Variants in SOCS1 observed in about 807,000 individuals in gnomAD.
SOCS1 encodes JAK binding protein.
Under a neutral mutation model 9.7 loss-of-function variants are expected in SOCS1, and 3 were observed. The observed-to-expected ratio is 0.31, with a 90% CI of 0.14 to 0.80. SOCS1 has a LOEUF of 0.80. Among genes scored for constraint, SOCS1 ranks in the 30% least tolerant of loss-of-function variants. SOCS1 has a pLI of 0.61. For missense variants in SOCS1, 368 were observed against 324.7 expected, an observed-to-expected ratio of 1.13 and a Z score of -1.02; for synonymous variants, 194 against 150.2, an observed-to-expected ratio of 1.29 and a Z score of -2.13.
chr16:11,255,351 G>A lies in SOCS1; in HGVS notation c.128C>T (p.Pro43Leu), dbSNP rs1369823773. The A allele has an allele frequency of 1.5e-6, 2 of 1,360,526 alleles. No homozygotes were observed. Among genetic ancestry groups the A allele is most frequent in the South Asian group, 1.9e-5 (1 of 53,052 alleles). 84.3% of individuals were successfully genotyped at this position (1,360,526 alleles called of 1,614,324 possible). A position where few individuals can be genotyped will look rare whatever the true frequency, so the allele number is the denominator to read the frequency against. ...GCCGGGGGCCGGGGCCGGGACCGCG[G>A]GGCACGGCCGCGGGCGCGCGGGGGC... The part of the protein sequence containing the change: ...PAAPARPRPC[P>L]AVPAPAPGDT... Residue 43 changes from proline (P) to leucine (L), a missense_variant, in exon 2 of 2, where the codon CCC becomes CTC. Coordinates refer to ENST00000332029, the MANE Select transcript of SOCS1 (RefSeq NM_003745.2).
At chr16:11,255,672 A>G (rs927073589) in intron 1 of SOCS1, 144 bp from the exon 2 acceptor site, 2 of 385,248 alleles carry the variant, frequency 5.2e-6, no homozygotes, top group Non-Finnish European at 9.2e-6. Context: ...GGATCCGTTC[A>G]GCCTCAGTGG....
In SOCS1 at chr16:11,255,502, G is replaced by A. The variant is rs947615494; in HGVS notation, c.-24C>T. ...ATCCTACAGAAGGGGCCAGCCGGAG[G>A]GGTGGGCCATAGCGTCCGGGGGTGC... On this transcript the variant is annotated 5_prime_UTR_variant, in exon 2 of 2. Transcript: ENST00000332029. 5 of 1,253,848 alleles carry A rather than the reference G, an allele frequency of 4.0e-6. No individual in the cohort carries two copies. The highest frequency in any genetic ancestry group is 2.2e-4 in the Middle Eastern group (1 of 4,450). 77.7% of individuals were successfully genotyped at this position (1,253,848 alleles called of 1,614,324 possible). A position where few individuals can be genotyped will look rare whatever the true frequency, so the allele number is the denominator to read the frequency against.
rs906125295 is a variant in SOCS1, at chr16:11,255,017, G to A, written c.462C>T (p.Tyr154=). 1.9e-6 allele frequency: 3 copies of A among 1,594,688 alleles called. No individual in the cohort carries two copies. The highest frequency in any genetic ancestry group is 1.4e-5 in the African/African-American group (1 of 72,258). ...CCAGCATGCGGCGCGGCGCCGCCAC[G>A]TAGTGCTCCAGCAGCTCGAAGAGGC... ...FDCLFELLEH[Y]VAAPRRMLGA... The change falls in exon 2 of 2, where the codon TAC becomes TAT. Residue 154 remains tyrosine, a synonymous_variant. Transcript: ENST00000332029.
chr16:11,255,739 T>C, intron 1 of SOCS1: 2 of 285,544 alleles, frequency 7.0e-6, no homozygotes, highest in South Asian at 1.6e-4. Flanking sequence ...GGGTGGGGGC[T>C]CGGTGGAGGC....
Position 11,255,537 on chromosome 16 carries a change from G to T in SOCS1, c.-50-9C>A. ...TAGCGTCCGGGGGTGCGCTGCGGGA[G>T]AGACAAAGAGGTGAGCTGGGGCGCT... On this transcript the variant is annotated splice_polypyrimidine_tract_variant and intron_variant, in intron 1 of 1. Transcript: ENST00000332029. 9.1e-7 allele frequency: 1 copy of T among 1,102,198 alleles called. No homozygotes were observed. The highest frequency in any genetic ancestry group is 1.2e-6 in the Non-Finnish European group (1 of 867,162). The allele number at this position is 1,102,198 out of a possible 1,614,324, so 68.3% of individuals were successfully genotyped here.
Position 11,254,691 on chromosome 16 carries a change from C to T in SOCS1, c.*152G>A. 2.6e-6 allele frequency: 3 copies of T among 1,142,086 alleles called. No individual in the cohort carries two copies. The highest frequency in any genetic ancestry group is 3.4e-6 in the Non-Finnish European group (3 of 879,268). The allele number at this position is 1,142,086 out of a possible 1,614,324, so 70.7% of individuals were successfully genotyped here. Reference sequence around the variant, plus strand: ...AGAGGTGAGAAGGGGTCTGCGGCCTCGTCTCCAGCCGAGGGCGGGAGGCGC... The same window carrying T: ...AGAGGTGAGAAGGGGTCTGCGGCCTTGTCTCCAGCCGAGGGCGGGAGGCGC... On this transcript the variant is annotated 3_prime_UTR_variant, in exon 2 of 2. Transcript: ENST00000332029.
Position 11,254,735 on chromosome 16 carries a change from C to T in SOCS1, c.*108G>A. On this transcript the variant is annotated 3_prime_UTR_variant, in exon 2 of 2. Transcript: ENST00000332029. ...GAGGCGCCTCGCCCCTACACCCATC[C>T]GCTCCCTCCAACCCAGGCCGGGGAG... 2.2e-6 allele frequency: 3 copies of T among 1,355,038 alleles called. No individual in the cohort carries two copies. The highest frequency in any genetic ancestry group is 2.9e-6 in the Non-Finnish European group (3 of 1,051,644). 83.9% of individuals were successfully genotyped at this position (1,355,038 alleles called of 1,614,324 possible). A position where few individuals can be genotyped will look rare whatever the true frequency, so the allele number is the denominator to read the frequency against.
At position 11,255,062 on chromosome 16, in the gene SOCS1, G is replaced by A. The variant is rs1348169724; in HGVS notation, c.417C>T (p.Gly139=). ...HFQAGRFHLD[G]SRESFDCLFE... is the part of the protein sequence containing the mutation. ...AGAGGCAGTCGAAGCTCTCGCGGCT[G>A]CCATCCAGGTGAAAGCGGCCGGCCT... Residue 139 remains glycine (G), a synonymous_variant, in exon 2 of 2, where the codon GGC becomes GGT. Coordinates refer to ENST00000332029, the MANE Select transcript of SOCS1 (RefSeq NM_003745.2). 32 of 1,608,596 alleles carry A rather than the reference G, an allele frequency of 2.0e-5. No homozygotes were observed. The highest frequency in any genetic ancestry group is 2.4e-5 in the Non-Finnish European group (28 of 1,178,270).
rs368764480 is a variant in SOCS1, at chr16:11,254,822, G to A, written c.*21C>T. 52 of 1,465,840 alleles carry A rather than the reference G, an allele frequency of 3.5e-5. No individual in the cohort carries two copies. The highest frequency in any genetic ancestry group is 4.4e-5 in the Non-Finnish European group (49 of 1,115,874). 90.8% of individuals were successfully genotyped at this position (1,465,840 alleles called of 1,614,324 possible). A position where few individuals can be genotyped will look rare whatever the true frequency, so the allele number is the denominator to read the frequency against. Reference sequence around the variant, plus strand: ...AACACGGCATCCCAGTTAATGCTGCGTGCACGGCGGGCGCTGCCGGTCAAA... The same window carrying A: ...AACACGGCATCCCAGTTAATGCTGCATGCACGGCGGGCGCTGCCGGTCAAA... On this transcript the variant is annotated 3_prime_UTR_variant, in exon 2 of 2. Transcript: ENST00000332029.
chr16:11,255,618 C>T, intron 1 of SOCS1, 90 bp from the exon 2 acceptor site: 2 of 439,214 alleles, frequency 4.6e-6, no homozygotes, highest in Middle Eastern at 6.1e-4. Context: ...GCGCTCCCGG[C>T]GGACCCGGCC....
At position 11,255,451 on chromosome 16, in the gene SOCS1, C is replaced by A; in HGVS notation, c.28G>T (p.Asp10Tyr). ...TCTGCTGCTGTGGAGACTGCATTGT[C>A]GGCTGCCACCTGGTTGTGTGCTACC... MVAHNQVAA[D>Y]NAVSTAAEPR... Residue 10 changes from aspartate (D) to tyrosine (Y), a missense_variant, in exon 2 of 2, where the codon GAC (aspartate) becomes TAC (tyrosine). By Grantham distance (160) the Asp-to-Tyr change is radical. Coordinates refer to ENST00000332029, the MANE Select transcript of SOCS1 (RefSeq NM_003745.2). 1.5e-6 allele frequency: 2 copies of A among 1,296,968 alleles called. No homozygotes were observed. Among genetic ancestry groups the A allele is most frequent in the Non-Finnish European group, 9.8e-7 (1 of 1,025,510 alleles). 80.3% of individuals were successfully genotyped at this position (1,296,968 alleles called of 1,614,324 possible).
Position 11,255,038 on chromosome 16 carries a change from G to A in SOCS1, c.441C>T (p.Leu147=), listed in dbSNP as rs776124490. The part of the protein sequence containing the change: ...LDGSRESFDC[L]FELLEHYVAA... ...CCACGTAGTGCTCCAGCAGCTCGAA[G>A]AGGCAGTCGAAGCTCTCGCGGCTGC... The change falls in exon 2 of 2, where the codon CTC becomes CTT. Residue 147 remains leucine (L), a synonymous_variant. Coordinates refer to ENST00000332029, the MANE Select transcript of SOCS1 (RefSeq NM_003745.2). 29 of 1,606,196 alleles carry A rather than the reference G, an allele frequency of 1.8e-5. No homozygotes were observed. The highest frequency in any genetic ancestry group is 1.7e-4 in the Middle Eastern group (1 of 6,044).
chr16:11,255,761 TC>T (rs2069593189), intron 1 of SOCS1: 1 of 263,268 alleles, frequency 3.8e-6, no homozygotes, highest in Admixed American at 5.4e-5. Context: ...GAGTCCGGCC[TC>T]CGGGCAGCAC....
intron 1 of SOCS1, chr16:11,255,829 G>C (rs983490314): frequency 1.0e-5 from 2 of 198,286 alleles, no homozygotes; most frequent in East Asian, 9.9e-5. Flanking sequence ...GCCCCGGCTC[G>C]CCGCCCCGCG....
In SOCS1 at chr16:11,255,331, G is replaced by A; in HGVS notation, c.148C>T (p.Pro50Ser). ...RPCPAVPAPA[P>S]GDTHFRTFRS... ...AATGTGCGGAAGTGCGTGTCGCCGGGGGCCGGGGCCGGGACCGCGGGGCAC... is the reference window on the plus strand; with the variant it reads ...AATGTGCGGAAGTGCGTGTCGCCGGAGGCCGGGGCCGGGACCGCGGGGCAC... The change falls in exon 2 of 2, where the codon CCC becomes TCC. Residue 50 changes from proline (P) to serine (S), a missense_variant. Coordinates refer to ENST00000332029, the MANE Select transcript of SOCS1 (RefSeq NM_003745.2). The A allele has an allele frequency of 6.9e-7, 1 of 1,457,550 alleles. No homozygotes were observed. Among genetic ancestry groups the A allele is most frequent in the East Asian group, 3.0e-5 (1 of 33,432 alleles). The allele number at this position is 1,457,550 out of a possible 1,614,324, so 90.3% of individuals were successfully genotyped here.
rs373270218 is a variant in SOCS1, at chr16:11,255,490, G to C, written c.-12C>G. 1.7e-4 allele frequency: 218 copies of C among 1,265,972 alleles called. 3 individuals are homozygous for C. Among genetic ancestry groups the C allele is most frequent in the Non-Finnish European group, 1.4e-4 (138 of 1,008,544 alleles). 78.4% of individuals were successfully genotyped at this position (1,265,972 alleles called of 1,614,324 possible). A position where few individuals can be genotyped will look rare whatever the true frequency, so the allele number is the denominator to read the frequency against. ...TTGTGTGCTACCATCCTACAGAAGGGGCCAGCCGGAGGGGTGGGCCATAGC... is the reference window on the plus strand; with the variant it reads ...TTGTGTGCTACCATCCTACAGAAGGCGCCAGCCGGAGGGGTGGGCCATAGC... On this transcript the variant is annotated 5_prime_UTR_variant, in exon 2 of 2. Coordinates refer to ENST00000332029, the MANE Select transcript of SOCS1 (RefSeq NM_003745.2).
intron 1 of SOCS1, chr16:11,255,733 G>A (rs758497064): frequency 6.0e-6 from 2 of 333,134 alleles, no homozygotes; most frequent in Non-Finnish European, 1.1e-5. Flanking sequence ...CCCGGCGGGT[G>A]GGGGCTCGGT....
In SOCS1 at chr16:11,255,657, C is replaced by G. The variant is rs34879384; in HGVS notation, c.-50-129G>C. Reference sequence around the variant, plus strand: ...GGGGGCGAGCACGGAGCACCAAGTCCGCGCGGATCCGTTCAGCCTCAGTGG... The same window carrying G: ...GGGGGCGAGCACGGAGCACCAAGTCGGCGCGGATCCGTTCAGCCTCAGTGG... On this transcript the variant is annotated intron_variant, in intron 1 of 1. Transcript: ENST00000332029. 2,192 of 392,276 alleles carry G rather than the reference C, an allele frequency of 5.6e-3. 49 individuals carry two copies. The highest frequency in any genetic ancestry group is 0.043 in the African/African-American group (2,077 of 48,210). The allele number at this position is 392,276 out of a possible 1,614,324, so 24.3% of individuals were successfully genotyped here.
At chr16:11,255,771 A>C in intron 1 of SOCS1, 4 of 271,722 alleles carry the variant, frequency 1.5e-5, no homozygotes, top group African/African-American at 2.2e-5. Flanking sequence ...TCCGGGCAGC[A>C]CCGAGAGGGG....
Sources: allele counts gnomAD v4.1 joint callset, GRCh38; gene constraint gnomAD v4.1.1; transcripts MANE v1.5; gene names NCBI Gene and HGNC (gene_info 2026-07-23, HGNC 2026-07-21).